ALAS1: variants seen among roughly 807,000 people sequenced by gnomAD.
The protein encoded by ALAS1 is 5-aminolevulinate synthase, non-specific, mitochondrial.
A neutral mutation model predicts 59.6 loss-of-function variants in ALAS1; 29 were observed. The observed-to-expected ratio is 0.49, with a 90% confidence interval of 0.36 to 0.66. The LOEUF (loss-of-function observed/expected upper bound fraction) is 0.66. ALAS1 is among the 30% of genes least tolerant of loss of function. The pLI is 0.00. For synonymous variants in ALAS1, 299 were observed against 296.6 expected (o/e 1.01, Z -0.08); for missense variants, 690 against 807.5 (o/e 0.85, Z 1.76).
In ALAS1 at chr3:52,198,206, G is replaced by C. The variant is rs1217152253; in HGVS notation, c.-259G>C. The C allele has an allele frequency of 2.5e-6, 1 of 398,850 alleles. No individual in the cohort carries two copies. Among genetic ancestry groups the C allele is most frequent in the Non-Finnish European group, 4.4e-6 (1 of 226,196 alleles). The allele number at this position is 398,850 out of a possible 1,614,324, so 24.7% of individuals were successfully genotyped here. ...AACGAGCGTTTCGTTTGGACTTCTC[G>C]ACTTGAGTGCCCGCCTCCTTCGCCG... On this transcript the variant is annotated 5_prime_UTR_variant, in exon 1 of 12. Coordinates refer to ENST00000484952, the MANE Select transcript of ALAS1 (RefSeq NM_000688.6).
chr3:52,207,473 AT>A (rs928126258), intron 8 of ALAS1, among the ~76,000 whole-genome samples: 70 of 146,444 alleles, frequency 4.8e-4, no homozygotes, highest in East Asian at 4.0e-3. Flanking sequence ...TTCTGCCAGG[AT>A]TTTTTTTTTT....
chr3:52,206,099 G>T, intron 7 of ALAS1, 76 bp downstream of exon 7: 2 of 1,342,238 alleles, frequency 1.5e-6, no homozygotes, highest in South Asian at 2.8e-5. Context: ...CAACAAAGAA[G>T]CCTTACCAGA....
intron 10 of ALAS1, 105 bp downstream of exon 10, chr3:52,211,656 C>CT (rs1177545327): frequency 1.2e-5 from 18 of 1,494,192 alleles, no homozygotes; most frequent in Non-Finnish European, 1.6e-5. Flanking sequence ...AGCGGGGTGA[C>CT]TGCCAGGGCA....
chr3:52,200,665 G>C (rs886735268), intron 3 of ALAS1, among the ~76,000 whole-genome samples: 4 of 152,168 alleles, frequency 2.6e-5, no homozygotes, highest in Admixed American at 2.6e-4. Context: ...GAACCCGGGA[G>C]GTAGAGGTTG....
intron 3 of ALAS1, 130 bp from the exon 4 acceptor site, chr3:52,202,377 T>G: frequency 1.3e-6 from 1 of 752,654 alleles, no homozygotes; most frequent in Non-Finnish European, 2.2e-6. Context: ...AAAAAAACAC[T>G]TGTGTCTGGA....
intron 10 of ALAS1, among the ~76,000 whole-genome samples, 196 bp downstream of exon 10, chr3:52,211,747 G>A (rs1699414976): frequency 6.6e-6 from 1 of 152,220 alleles, no homozygotes; most frequent in African/African-American, 2.4e-5. Context: ...GAACCCAGCA[G>A]GCTGGGGCAG....
intron 9 of ALAS1, among the ~76,000 whole-genome samples, chr3:52,209,649 C>T (rs1205671915): frequency 6.6e-6 from 1 of 152,152 alleles, no homozygotes; most frequent in Non-Finnish European, 1.5e-5. Context: ...TTAGCAAAAA[C>T]ATTAATTATA....
At chr3:52,202,424 G>A in intron 3 of ALAS1, 83 bp from the exon 4 acceptor site, 3 of 1,071,716 alleles carry the variant, frequency 2.8e-6, no homozygotes, top group Non-Finnish European at 4.3e-6. Flanking sequence ...TATCTTTGAG[G>A]CAATAAAAGA....
intron 11 of ALAS1, among the ~76,000 whole-genome samples, chr3:52,212,929 T>A (rs1559877716): frequency 6.6e-6 from 1 of 152,236 alleles, no homozygotes; most frequent in East Asian, 1.9e-4. Context: ...TGGAGAGTCA[T>A]TTTGGGAGCT....
intron 4 of ALAS1, 25 bp from the exon 5 acceptor site, chr3:52,203,838 T>C: frequency 6.4e-7 from 1 of 1,558,168 alleles, no homozygotes; most frequent in Non-Finnish European, 8.7e-7. Context: ...TTGGTCCCAT[T>C]TGTTTCTTGT....
At chr3:52,204,564 CAA>C (rs1160797181) in intron 5 of ALAS1, 127 bp from the exon 6 acceptor site, 1 of 712,750 alleles carries the variant, frequency 1.4e-6, no homozygotes, top group African/African-American at 1.8e-5. Context: ...TATTTACTTA[CAA>C]GATGAGGACA....
intron 11 of ALAS1, among the ~76,000 whole-genome samples, chr3:52,213,563 T>C (rs946592983): frequency 6.6e-6 from 1 of 152,252 alleles, no homozygotes; most frequent in Admixed American, 6.5e-5. Flanking sequence ...CCCAGTGTTA[T>C]GCAACCATCA....
chr3:52,208,777 A>C lies in ALAS1; in HGVS notation c.1330+530A>C, dbSNP rs113370276. ...GTTGTGTGACCTTGAGTTGGTAGTT[A>C]ACCTTTCTATACCTCAGTTTCATCA... On this transcript the variant is annotated intron_variant, in intron 9 of 11. Coordinates refer to ENST00000484952, the MANE Select transcript of ALAS1 (RefSeq NM_000688.6). Among the ~76,000 whole-genome samples, 98 of 152,336 alleles carry C rather than the reference A, an allele frequency of 6.4e-4. 2 individuals carry two copies. The highest frequency in any genetic ancestry group is 3.4e-3 in the Middle Eastern group (1 of 294).
chr3:52,198,577 A>G lies in ALAS1; in HGVS notation c.-209-95A>G, dbSNP rs57860290. 4,474 of 567,856 alleles carry G rather than the reference A, an allele frequency of 7.9e-3. 149 individuals carry two copies. Among genetic ancestry groups the G allele is most frequent in the African/African-American group, 0.075 (3,929 of 52,472 alleles). The allele number at this position is 567,856 out of a possible 1,614,324, so 35.2% of individuals were successfully genotyped here. A position where few individuals can be genotyped will look rare whatever the true frequency, so the allele number is the denominator to read the frequency against. On this transcript the variant is annotated intron_variant, in intron 1 of 11. Coordinates refer to ENST00000484952, the MANE Select transcript of ALAS1 (RefSeq NM_000688.6). ...GGACTGCCTTCTTTCTCCAGACTCA[A>G]CTCCCTCGACTTTATAAGCCCCTGC... is the stretch of plus-strand genomic sequence containing the variant.
intron 9 of ALAS1, 111 bp downstream of exon 9, chr3:52,208,358 C>T (rs1699337961): frequency 8.3e-7 from 1 of 1,202,996 alleles, no homozygotes; most frequent in Admixed American, 2.3e-5. Context: ...CATATGAAGC[C>T]TGGGCCACTC....
At chr3:52,206,463 T>G in intron 7 of ALAS1, 109 bp from the exon 8 acceptor site, 1 of 1,273,508 alleles carries the variant, frequency 7.9e-7, no homozygotes, top group Admixed American at 2.0e-5. Context: ...GTCTTTTTCC[T>G]ACTAGGCATT....
At chr3:52,212,764 C>A (rs924873490) in intron 11 of ALAS1, among the ~76,000 whole-genome samples, 3 of 152,154 alleles carry the variant, frequency 2.0e-5, no homozygotes, top group African/African-American at 7.2e-5. Flanking sequence ...CTCCCGACCT[C>A]AGGTGATCCA....
intron 11 of ALAS1, among the ~76,000 whole-genome samples, chr3:52,213,700 C>G (rs901210360): frequency 6.6e-6 from 1 of 152,204 alleles, no homozygotes; most frequent in Non-Finnish European, 1.5e-5. Context: ...TTTGCCTTTT[C>G]TGGACCTTGT....
chr3:52,212,347 G>T lies in ALAS1; in HGVS notation c.1689G>T (p.Val563=), dbSNP rs749968353. Residue 563 remains valine (V), a synonymous_variant, in exon 11 of 12, where the codon GTG becomes GTT. Coordinates refer to ENST00000484952, the MANE Select transcript of ALAS1 (RefSeq NM_000688.6). ...TGCAAGCAATCAATTACCCTACGGTGCCCCGGGGAGAAGAGCTCCTACGGA... is the reference window on the plus strand; with the variant it reads ...TGCAAGCAATCAATTACCCTACGGTTCCCCGGGGAGAAGAGCTCCTACGGA... ...IYVQAINYPT[V]PRGEELLRIA... The T allele has an allele frequency of 1.2e-6, 2 of 1,614,006 alleles. No homozygotes were observed. Among genetic ancestry groups the T allele is most frequent in the Non-Finnish European group, 1.7e-6 (2 of 1,180,038 alleles).
Sources: allele counts gnomAD v4.1 joint callset (sites outside exome capture counted in the v4.1 genomes callset), GRCh38; gene constraint gnomAD v4.1.1; transcripts MANE v1.5; gene names NCBI Gene and HGNC (gene_info 2026-07-23, HGNC 2026-07-21).